The following EPB41 variants were observed in gnomAD, a reference collection of about 807,000 sequenced individuals.
EPB41 encodes erythrocyte membrane protein band 4.1.
In EPB41, 65 loss-of-function variants were observed where a neutral mutation model predicts 108.0. That is an observed-to-expected ratio of 0.60 (90% CI 0.49 to 0.74). The LOEUF is 0.74. Among genes scored for constraint, EPB41 ranks in the 30% least tolerant of loss-of-function variants. The pLI, the probability that EPB41 is intolerant of heterozygous loss-of-function variation, is 0.00. For missense variants in EPB41, 875 were observed against 1,037.0 expected (o/e 0.84, Z 2.15); for synonymous variants, 336 against 358.9 (o/e 0.94, Z 0.72).
intron 7 of EPB41, among the ~76,000 whole-genome samples, chr1:29,027,176 A>G (rs965246554): frequency 1.3e-5 from 2 of 152,016 alleles, no homozygotes; most frequent in African/African-American, 2.4e-5. Context: ...AACCTGAACA[A>G]CCTGAAGTGC....
At chr1:28,901,610 T>C (rs1388175533) in intron 1 of EPB41, among the ~76,000 whole-genome samples, 1 of 151,840 alleles carries the variant, frequency 6.6e-6, no homozygotes, top group Non-Finnish European at 1.5e-5. Context: ...CTTGGCTCAC[T>C]GCAATCTCCG....
intron 16 of EPB41, among the ~76,000 whole-genome samples, chr1:29,067,257 G>A (rs541959237): frequency 1.3e-5 from 2 of 151,814 alleles, no homozygotes; most frequent in East Asian, 4.0e-4. Context: ...CAGCACTTTG[G>A]GAGGCCGAGG....
At chr1:28,902,187 T>A in intron 1 of EPB41, 1 of 985,378 alleles carries the variant, frequency 1.0e-6, no homozygotes, top group Non-Finnish European at 1.2e-6. Context: ...TGAGCGGTCA[T>A]CATCCTTTCC....
At chr1:29,025,923 G>T (rs889128885) in intron 7 of EPB41, among the ~76,000 whole-genome samples, 2 of 150,356 alleles carry the variant, frequency 1.3e-5, no homozygotes, top group African/African-American at 5.0e-5. Flanking sequence ...CCTGGTGGTG[G>T]GTTTCAGAAG....
chr1:28,899,271 TG>T (rs1557616933), intron 1 of EPB41, among the ~76,000 whole-genome samples: 1 of 152,220 alleles, frequency 6.6e-6, no homozygotes. Context: ...GAGTCCTCAG[TG>T]GCAGGAAGCT....
intron 1 of EPB41, among the ~76,000 whole-genome samples, chr1:28,900,398 C>T (rs1170842571): frequency 1.3e-5 from 2 of 150,910 alleles, no homozygotes; most frequent in East Asian, 3.9e-4. Flanking sequence ...AGCAAACCTC[C>T]AACCTCAGCC....
chr1:29,013,838 T>G (rs918555669), intron 5 of EPB41, among the ~76,000 whole-genome samples: 32 of 112,934 alleles, frequency 2.8e-4, no homozygotes, highest in African/African-American at 9.4e-4. Context: ...CCTTAAGTTT[T>G]TTTTTTTTTT....
At chr1:28,915,660 A>C (rs2092580103) in intron 1 of EPB41, among the ~76,000 whole-genome samples, 1 of 147,116 alleles carries the variant, frequency 6.8e-6, no homozygotes, top group South Asian at 2.2e-4. Flanking sequence ...TAGTCTGTGG[A>C]GACTTGTTTT....
rs1019150929 is a variant in EPB41, at chr1:28,887,724, C to T, written c.-8+514C>T. The T allele has an allele frequency of 4.0e-5, 39 of 981,616 alleles. No homozygotes were observed. The highest frequency in any genetic ancestry group is 4.7e-5 in the Non-Finnish European group (39 of 826,596). 60.8% of individuals were successfully genotyped at this position (981,616 alleles called of 1,614,324 possible). ...GTAACTGACTTTGAGTTTCCGGACC[C>T]AGGAACCGACCCGCCAGCTGGGGCG... On this transcript the variant is annotated intron_variant, in intron 1 of 16. Transcript: ENST00000347529. The surrounding 1 kb of genome is among the most constrained non-coding windows in gnomAD (Gnocchi z 4.9).
chr1:28,997,463 T>A, intron 4 of EPB41, 144 bp downstream of exon 4: 2 of 666,118 alleles, frequency 3.0e-6, no homozygotes, highest in Non-Finnish European at 5.4e-6. Flanking sequence ...ATTTTCCTGC[T>A]ATTTTTCTTC....
Position 29,099,640 on chromosome 1 carries a change from C to G in EPB41, c.2313+1705C>G, listed in dbSNP as rs1481706741. On this transcript the variant is annotated intron_variant, in intron 17 of 20. Coordinates refer to ENST00000343067, the MANE Select transcript of EPB41 (RefSeq NM_001376013.1). ...TTCCCACTTTCAGTAAAATGTCTCT[C>G]ACTTTTGGTAGTTTCAATGGACTAG... Among the ~76,000 whole-genome samples, 4 of 152,188 alleles carry G rather than the reference C, an allele frequency of 2.6e-5. No individual in the cohort carries two copies. In the East Asian group the frequency reaches 7.7e-4, roughly 29 times the overall value.
Position 29,029,906 on chromosome 1 carries a change from A to G in EPB41, c.1125-494A>G, listed in dbSNP as rs1040117889. Among the ~76,000 whole-genome samples the G allele has an allele frequency of 3.9e-5, 6 of 152,342 alleles. No individual in the cohort carries two copies. In the East Asian group the frequency reaches 7.7e-4, roughly 20 times the overall value. On this transcript the variant is annotated intron_variant, in intron 7 of 20. Coordinates refer to ENST00000343067, the MANE Select transcript of EPB41 (RefSeq NM_001376013.1). ...CCCGATTAAGAGTCCTCAGTTAAGT[A>G]ACATCAGCTGCCCTCTTGTTTAATT...
At chr1:28,912,059 G>A (rs1049833086), upstream of EPB41, among the ~76,000 whole-genome samples, 4 of 151,994 alleles carry the variant, frequency 2.6e-5, no homozygotes, top group Non-Finnish European at 5.9e-5. Flanking sequence ...AAAAAAACAG[G>A]TGCTTCACCC....
chr1:29,100,465 A>G (rs1004029435), intron 17 of EPB41, among the ~76,000 whole-genome samples: 1 of 146,662 alleles, frequency 6.8e-6, no homozygotes, highest in African/African-American at 2.4e-5. Context: ...TCTGTCTCAA[A>G]AAATAAATAA....
At position 28,987,808 on chromosome 1, in the gene EPB41, A is replaced by C; in HGVS notation, c.371A>C (p.Glu124Ala). Residue 124 changes from glutamate to alanine, a missense_variant, in exon 2 of 21, where the codon GAA (glutamate) becomes GCA (alanine). Physicochemically the swap from Glu to Ala is moderately radical, Grantham distance 107. This residue lies in a region of EPB41 where 353 missense variants were observed against 393.2 expected (regional missense o/e 0.90). Transcript: ENST00000343067. ...ATAGAATTTGGAACCAGTCTTGATG[A>C]AGAGATCATTTTAAAGGCCCCAATT... ...KEIEFGTSLD[E>A]EIILKAPIAA... The C allele has an allele frequency of 6.2e-7, 1 of 1,614,202 alleles. No individual in the cohort carries two copies. Among genetic ancestry groups the C allele is most frequent in the Non-Finnish European group, 8.5e-7 (1 of 1,180,036 alleles).
intron 1 of EPB41, among the ~76,000 whole-genome samples, chr1:28,920,630 TTTTA>T (rs997040663): frequency 6.6e-6 from 1 of 152,184 alleles, no homozygotes; most frequent in South Asian, 2.1e-4. Context: ...ATTATTTTAT[TTTTA>T]TTTATTTATT....
intron 16 of EPB41, among the ~76,000 whole-genome samples, chr1:29,076,847 C>T (rs922288106): frequency 5.3e-4 from 81 of 152,078 alleles, no homozygotes; most frequent in African/African-American, 1.9e-3. Flanking sequence ...CTCAAGGCTG[C>T]AGTGAGCCAT....
rs765720886 is a variant in EPB41, at chr1:28,987,625, A to G, written c.188A>G (p.His63Arg). Reference sequence around the variant, plus strand: ...GCTTCTAATGGAGACACTCCTACACATGAAGACTTGACCAAGAACAAGGAG... The same window carrying G: ...GCTTCTAATGGAGACACTCCTACACGTGAAGACTTGACCAAGAACAAGGAG... ...LKASNGDTPT[H>R]EDLTKNKERT... The change falls in exon 2 of 21, where the codon CAT becomes CGT. Residue 63 changes from histidine to arginine, a missense_variant. His to Arg is a conservative substitution (Grantham distance 29). Around this residue, in one of 3 missense-constraint regions of EPB41, gnomAD observed 353 missense variants for 393.2 expected, o/e 0.90. Transcript: ENST00000343067. 1 of 1,614,254 alleles carries G rather than the reference A, an allele frequency of 6.2e-7. No homozygotes were observed. Among genetic ancestry groups the G allele is most frequent in the Non-Finnish European group, 8.5e-7 (1 of 1,180,044 alleles).
chr1:28,990,031 C>T (rs1196087306), intron 2 of EPB41, among the ~76,000 whole-genome samples: 1 of 151,814 alleles, frequency 6.6e-6, no homozygotes, highest in Admixed American at 6.6e-5. Context: ...CTGAGGCAGG[C>T]GAATCACAAG....
Sources: gnomAD v4.1 joint callset for allele counts (sites outside exome capture counted in the v4.1 genomes callset) on GRCh38, gnomAD v4.1.1 for gene constraint, gnomAD v4.1.1 regional missense constraint, Gnocchi (gnomAD v3.1) non-coding constraint, MANE v1.5 for transcripts, NCBI Gene and HGNC (gene_info 2026-07-23, HGNC 2026-07-21) for gene names.